The following DOCK2 variants were observed in gnomAD, a reference collection of about 807,000 sequenced individuals.
The protein encoded by DOCK2 is dedicator of cytokinesis protein 2.
Under a neutral mutation model 248.9 loss-of-function variants are expected in DOCK2, and 87 were observed. That is an observed-to-expected ratio of 0.35 (90% CI 0.29 to 0.42). The LOEUF (loss-of-function observed/expected upper bound fraction) is 0.42, where lower values mean the gene tolerates loss of function less well. DOCK2 is among the 10% of genes least tolerant of loss of function. The pLI, the probability that DOCK2 is intolerant of heterozygous loss-of-function variation, is 1.00. For synonymous variants in DOCK2, 805 were observed against 821.6 expected (o/e 0.98, Z 0.35); for missense variants, 1,747 against 2,300.2 (o/e 0.76, Z 4.92).
At chr5:170,035,833 C>G (rs1581544993) in intron 35 of DOCK2, among the ~76,000 whole-genome samples, 1 of 152,064 alleles carries the variant, frequency 6.6e-6, no homozygotes, top group East Asian at 1.9e-4. Context: ...TGCATTAAAC[C>G]AGGATATACA....
At chr5:170,079,527 C>G (rs1452869291) in intron 49 of DOCK2, 1 of 212,520 alleles carries the variant, frequency 4.7e-6, no homozygotes, top group Non-Finnish European at 9.7e-6. Context: ...CTATTCTAAC[C>G]ACTGATGTCT....
At chr5:170,008,225 C>CAACAAA (rs1554125567) in intron 30 of DOCK2, among the ~76,000 whole-genome samples, 1 of 113,884 alleles carries the variant, frequency 8.8e-6, no homozygotes, top group Non-Finnish European at 2.1e-5. Context: ...ACAACAACAA[C>CAACAAA]AAAAAAAAAA....
chr5:169,643,679 G>A (rs556727856), intron 1 of DOCK2, among the ~76,000 whole-genome samples: 6 of 152,254 alleles, frequency 3.9e-5, no homozygotes, highest in East Asian at 3.9e-4. Flanking sequence ...CGGTGGCCTG[G>A]GGAGTTGGGG....
intron 28 of DOCK2, among the ~76,000 whole-genome samples, chr5:169,984,803 G>A (rs1038065780): frequency 1.3e-5 from 2 of 152,136 alleles, no homozygotes; most frequent in Admixed American, 6.5e-5. Context: ...AACTCTGAAC[G>A]GATTTCCTCT....
intron 43 of DOCK2, 100 bp from the exon 44 acceptor site, chr5:170,057,480 C>T (rs374632769): frequency 2.3e-5 from 23 of 997,850 alleles, no homozygotes; most frequent in Middle Eastern, 4.1e-4. Flanking sequence ...ATGGGAGGCC[C>T]GGGGACCTGG....
chr5:169,945,531 T>C (rs1436597396), intron 27 of DOCK2, among the ~76,000 whole-genome samples: 1 of 152,266 alleles, frequency 6.6e-6, no homozygotes, highest in Non-Finnish European at 1.5e-5. Flanking sequence ...CAGGCGTTCT[T>C]TTTTAATTAG....
chr5:169,692,193 T>C (rs1223132909), intron 9 of DOCK2, among the ~76,000 whole-genome samples: 1 of 152,186 alleles, frequency 6.6e-6, no homozygotes, highest in Non-Finnish European at 1.5e-5. Flanking sequence ...CACAAGGCTA[T>C]GTAAGAAGAA....
At chr5:169,888,996 A>T (rs1773135060) in intron 27 of DOCK2, among the ~76,000 whole-genome samples, 1 of 152,114 alleles carries the variant, frequency 6.6e-6, no homozygotes, top group Non-Finnish European at 1.5e-5. Flanking sequence ...CTATATTGTG[A>T]TGATCTGCTG....
chr5:170,075,689 A>T (rs12518133), intron 46 of DOCK2: 97,825 of 395,316 alleles, frequency 0.25, 14,157 homozygotes, highest in East Asian at 0.6. Context: ...GTGGCCTTTC[A>T]TGGGGAAGAG....
At chr5:170,065,951 C>CTATT (rs1757474941) in intron 44 of DOCK2, among the ~76,000 whole-genome samples, 1 of 125,700 alleles carries the variant, frequency 8.0e-6, no homozygotes, top group Non-Finnish European at 1.6e-5. Context: ...CAAATGAAAA[C>CTATT]TGTTTTTTTT....
intron 25 of DOCK2, among the ~76,000 whole-genome samples, chr5:169,802,582 GA>G (rs1231679039): frequency 6.6e-6 from 1 of 151,564 alleles, no homozygotes; most frequent in Non-Finnish European, 1.5e-5. Context: ...ATTAGTGAGT[GA>G]AAAAAAATCA....
intron 27 of DOCK2, among the ~76,000 whole-genome samples, chr5:169,873,163 A>G (rs562464673): frequency 1.3e-5 from 2 of 152,334 alleles, no homozygotes; most frequent in South Asian, 4.1e-4. Flanking sequence ...TTTATTACAG[A>G]TAAATTGCTG....
chr5:169,653,028 T>G (rs1225136507), intron 1 of DOCK2, among the ~76,000 whole-genome samples: 1 of 152,132 alleles, frequency 6.6e-6, no homozygotes, highest in East Asian at 1.9e-4. Context: ...GTACTCCCAG[T>G]TCCAGCATTG....
At chr5:169,692,641 A>G (rs1760376976) in intron 9 of DOCK2, among the ~76,000 whole-genome samples, 1 of 152,164 alleles carries the variant, frequency 6.6e-6, no homozygotes, top group South Asian at 2.1e-4. Flanking sequence ...CTTACCTGGG[A>G]ATCTTCTAGG....
intron 27 of DOCK2, among the ~76,000 whole-genome samples, chr5:169,910,112 T>C (rs1350462222): frequency 5.3e-5 from 8 of 152,084 alleles, no homozygotes; most frequent in African/African-American, 1.9e-4. Context: ...TGTGGCCTGG[T>C]GTTAGCTGAG....
At position 169,758,864 on chromosome 5, in the gene DOCK2, A is replaced by AT. The variant is rs1282986280; in HGVS notation, c.2377-835dup. ...TTTCTTTAGGAAAGTAATTTTCACG[A>AT]TTTTTTACTTGAGTCTGATTGTTAA... On this transcript the variant is annotated intron_variant, in intron 23 of 51. Coordinates refer to ENST00000520908, the MANE Select transcript of DOCK2 (RefSeq NM_004946.3). 5.9e-5 allele frequency among the ~76,000 whole-genome samples: 9 copies of AT among 152,210 alleles called. No homozygotes were observed. The East Asian group carries it at 1.7e-3, about 29-fold the overall frequency.
intron 26 of DOCK2, among the ~76,000 whole-genome samples, chr5:169,803,633 C>A (rs2113134724): frequency 6.6e-6 from 1 of 152,276 alleles, no homozygotes; most frequent in East Asian, 1.9e-4. Flanking sequence ...AATGATTAAG[C>A]CTCTTCCTGG....
intron 25 of DOCK2, among the ~76,000 whole-genome samples, chr5:169,776,162 T>TA (rs1765374551): frequency 1.4e-5 from 2 of 142,804 alleles, no homozygotes; most frequent in African/African-American, 5.3e-5. Context: ...TATAAATATA[T>TA]ATATTTATAT....
At chr5:169,890,763 G>A (rs1352561613) in intron 27 of DOCK2, among the ~76,000 whole-genome samples, 1 of 152,084 alleles carries the variant, frequency 6.6e-6, no homozygotes, top group East Asian at 1.9e-4. Context: ...GTGAAATCTT[G>A]TTCTCATCTT....
Sources: gnomAD v4.1 joint callset for allele counts (sites outside exome capture counted in the v4.1 genomes callset) on GRCh38, gnomAD v4.1.1 for gene constraint, MANE v1.5 for transcripts, NCBI Gene and HGNC (gene_info 2026-07-23, HGNC 2026-07-21) for gene names.